The following TACC2 variants were observed in gnomAD, a reference collection of about 807,000 sequenced individuals.
TACC2 encodes the protein transforming acidic coiled-coil containing protein 2.
TACC2 carries 137 observed loss-of-function variants against 227.3 expected under a neutral mutation model. The observed-to-expected ratio is 0.60, with a 90% CI of 0.52 to 0.69. The LOEUF is 0.69. Ranked by LOEUF, TACC2 falls within the 30% of genes least tolerant of loss-of-function variation. The probability of loss-of-function intolerance (pLI) is 0.00; values close to 1 mark genes in which losing one functional copy is unlikely to be tolerated. For synonymous variants in TACC2, 1,523 were observed against 1,487.5 expected, an observed-to-expected ratio of 1.02 and a Z score of -0.55; for missense variants, 3,470 against 3,694.4, an observed-to-expected ratio of 0.94 and a Z score of 1.57.
intron 2 of TACC2, among the ~76,000 whole-genome samples, chr10:122,047,288 C>CAAAAAAAA (rs371181114): frequency 8.2e-5 from 5 of 60,876 alleles, no homozygotes; most frequent in African/African-American, 1.3e-4. Context: ...GACTCCGTCT[C>CAAAAAAAA]AAAAAAAAAA....
intron 3 of TACC2, among the ~76,000 whole-genome samples, chr10:122,080,783 G>A (rs1347933303): frequency 6.6e-6 from 1 of 152,142 alleles, no homozygotes; most frequent in Non-Finnish European, 1.5e-5. Context: ...GCACTGCCTG[G>A]TGTGGAAAAC....
intron 5 of TACC2, among the ~76,000 whole-genome samples, chr10:122,123,189 C>T (rs2086175704): frequency 1.3e-5 from 2 of 152,098 alleles, no homozygotes; most frequent in South Asian, 2.1e-4. Flanking sequence ...ATTTTTAGTA[C>T]AGACAGGGTT....
At chr10:122,029,521 C>T (rs141553123) in intron 2 of TACC2, among the ~76,000 whole-genome samples, 2,983 of 152,210 alleles carry the variant, frequency 0.02, 82 homozygotes, top group African/African-American at 0.064. Context: ...TTGGGAAGTG[C>T]TTGCTCCTGT....
At chr10:122,178,448 G>T (rs758082631) in intron 7 of TACC2, among the ~76,000 whole-genome samples, 1 of 151,968 alleles carries the variant, frequency 6.6e-6, no homozygotes, top group African/African-American at 2.4e-5. Flanking sequence ...TGTTGGTCAG[G>T]CTGCTCTCAA....
chr10:122,010,547 C>G (rs1955797864), intron 1 of TACC2, among the ~76,000 whole-genome samples: 1 of 152,170 alleles, frequency 6.6e-6, no homozygotes, highest in Non-Finnish European at 1.5e-5. Context: ...GAGAGGTTGA[C>G]ACACTCTAGC....
At chr10:122,133,537 G>T (rs775172826) in intron 6 of TACC2, among the ~76,000 whole-genome samples, 1 of 152,084 alleles carries the variant, frequency 6.6e-6, no homozygotes, top group Non-Finnish European at 1.5e-5. Context: ...CTGTGTGTGT[G>T]TCTATGAATA....
At chr10:122,048,435 TCCTC>T (rs142187179) in intron 2 of TACC2, among the ~76,000 whole-genome samples, 55 of 133,580 alleles carry the variant, frequency 4.1e-4, no homozygotes, top group Admixed American at 1.2e-3. Flanking sequence ...CCTCCTTGCT[TCCTC>T]CCTCCCTCCC....
At chr10:122,237,559 A>G (rs1456721539) in intron 17 of TACC2, 21 bp downstream of exon 17, 1 of 1,598,838 alleles carries the variant, frequency 6.3e-7, no homozygotes, top group South Asian at 1.1e-5. Context: ...ATGTGGTGTA[A>G]TTACCCTCTT....
Position 122,150,449 on chromosome 10 carries a change from G to A in TACC2, c.5834+6743G>A, listed in dbSNP as rs1249544824. 6.6e-6 allele frequency among the ~76,000 whole-genome samples: 1 copy of A among 152,188 alleles called. No individual in the cohort carries two copies. The highest frequency in any genetic ancestry group is 1.5e-5 in the Non-Finnish European group (1 of 68,028). ...TCCCCGAGCACGGCTGCCCAGGGAC[G>A]GCCCTCGGCTTCCACTTGATGGTTT... On this transcript the variant is annotated intron_variant, in intron 7 of 22. Transcript: ENST00000369005. The surrounding 1 kb of genome is among the most constrained non-coding windows in gnomAD (Gnocchi z 4.0).
chr10:122,127,558 C>T (rs572753525), intron 5 of TACC2, among the ~76,000 whole-genome samples: 3 of 152,140 alleles, frequency 2.0e-5, no homozygotes, highest in Non-Finnish European at 4.4e-5. Flanking sequence ...TGGGCTGGCC[C>T]CAGCAGCTGG....
rs572708437 is a variant in TACC2, at chr10:122,213,744, A to G, written c.7284-1647A>G. ...GGGCTAGTGGGCGATTGCTTTCAACACTACTGTGGCTTCACGTTAAAATAA... is the reference window on the plus strand; with the variant it reads ...GGGCTAGTGGGCGATTGCTTTCAACGCTACTGTGGCTTCACGTTAAAATAA... On this transcript the variant is annotated intron_variant, in intron 9 of 22. Coordinates refer to ENST00000369005, the MANE Select transcript of TACC2 (RefSeq NM_206862.4). Among the ~76,000 whole-genome samples, 12 of 152,326 alleles carry G rather than the reference A, an allele frequency of 7.9e-5. 1 individual carries two copies. Among genetic ancestry groups the G allele is most frequent in the Admixed American group, 3.3e-4 (5 of 15,302 alleles).
intron 5 of TACC2, among the ~76,000 whole-genome samples, chr10:122,112,792 G>A (rs1413582580): frequency 6.6e-6 from 1 of 152,212 alleles, no homozygotes; most frequent in Non-Finnish European, 1.5e-5. Context: ...AGGAGCAGCG[G>A]CCGGGCTGTG....
chr10:122,161,403 A>T (rs546516570), intron 7 of TACC2, among the ~76,000 whole-genome samples: 4 of 152,332 alleles, frequency 2.6e-5, no homozygotes, highest in Non-Finnish European at 4.4e-5. Context: ...CTTGGGGGGA[A>T]ATTTTTTCTT....
At chr10:122,184,583 C>A (rs971767712) in intron 7 of TACC2, among the ~76,000 whole-genome samples, 1 of 152,202 alleles carries the variant, frequency 6.6e-6, no homozygotes, top group Non-Finnish European at 1.5e-5. Context: ...GGGCCTGCAT[C>A]CTCCCTTGTA....
At chr10:122,160,992 G>T (rs60534825) in intron 7 of TACC2, among the ~76,000 whole-genome samples, 2 of 151,998 alleles carry the variant, frequency 1.3e-5, no homozygotes, top group Non-Finnish European at 2.9e-5. Flanking sequence ...ACCCAGGCTG[G>T]AGTGCAGTGG....
intron 6 of TACC2, among the ~76,000 whole-genome samples, chr10:122,137,474 A>G (rs1259093339): frequency 2.0e-5 from 3 of 150,640 alleles, no homozygotes; most frequent in South Asian, 2.1e-4. Flanking sequence ...AGGCCCATCT[A>G]AAAAAAAAGC....
intron 16 of TACC2, among the ~76,000 whole-genome samples, chr10:122,234,103 C>T (rs1238319034): frequency 6.6e-6 from 1 of 152,196 alleles, no homozygotes; most frequent in Non-Finnish European, 1.5e-5. Context: ...CTCCCAGCCT[C>T]GGATGGCAGG....
intron 5 of TACC2, among the ~76,000 whole-genome samples, chr10:122,107,143 CAAG>C (rs1018539328): frequency 5.9e-5 from 9 of 152,316 alleles, no homozygotes; most frequent in African/African-American, 1.2e-4. Flanking sequence ...AGTAAGGAAA[CAAG>C]GAGGAAGAAC....
intron 11 of TACC2, among the ~76,000 whole-genome samples, chr10:122,222,385 G>A (rs940916184): frequency 9.2e-5 from 14 of 152,154 alleles, no homozygotes; most frequent in African/African-American, 3.4e-4. Flanking sequence ...CCAAATGACC[G>A]TGATTGCAAC....
Sources: allele counts gnomAD v4.1 joint callset (sites outside exome capture counted in the v4.1 genomes callset), GRCh38; gene constraint gnomAD v4.1.1; non-coding constraint Gnocchi (gnomAD v3.1); transcripts MANE v1.5; gene names NCBI Gene and HGNC (gene_info 2026-07-23, HGNC 2026-07-21).